POLR1D: variants seen among roughly 807,000 people sequenced by gnomAD.
The protein encoded by POLR1D is RNA polymerase I and III subunit D, also known as DNA-directed RNA polymerases I and III subunit RPAC2.
A neutral mutation model predicts 10.8 loss-of-function variants in POLR1D; 8 were observed. The ratio of observed to expected loss-of-function variants is 0.74; its 90% CI spans 0.43 to 1.33. The LOEUF is 1.33. POLR1D is among the 40% of genes most tolerant of loss of function. The probability of loss-of-function intolerance (pLI) is 0.01; values close to 1 mark genes in which losing one functional copy is unlikely to be tolerated. For synonymous variants in POLR1D, 54 were observed against 57.2 expected (o/e 0.94, Z 0.25); for missense variants, 152 against 161.7 (o/e 0.94, Z 0.32).
intron 2 of POLR1D, among the ~76,000 whole-genome samples, chr13:27,648,858 T>G (rs1956243687): frequency 6.6e-6 from 1 of 152,234 alleles, no homozygotes; most frequent in African/African-American, 2.4e-5. Context: ...AGCATTTTGA[T>G]TATGTGACAA....
At chr13:27,624,263 TTACTA>T (rs890698714), downstream of POLR1D, among the ~76,000 whole-genome samples, 2 of 152,196 alleles carry the variant, frequency 1.3e-5, no homozygotes, top group African/African-American at 4.8e-5. Flanking sequence ...GCCTTGGCAT[TTACTA>T]TGCTATTGGT....
At chr13:27,636,333 T>A (rs1956123947) in intron 1 of POLR1D, among the ~76,000 whole-genome samples, 1 of 152,230 alleles carries the variant, frequency 6.6e-6, no homozygotes, top group Admixed American at 6.5e-5. Flanking sequence ...CTCTAAACCA[T>A]AATTTCCTCG....
intron 1 of POLR1D, among the ~76,000 whole-genome samples, chr13:27,643,176 C>T (rs1472294444): frequency 6.6e-6 from 1 of 152,126 alleles, no homozygotes; most frequent in African/African-American, 2.4e-5. Context: ...CCTAATTCAC[C>T]GTATAAATCA....
chr13:27,661,209 ATTG>A lies in POLR1D; in HGVS notation c.102-4476_102-4474del, dbSNP rs540711729. ...GCCCACAGGTTTCAAAGTGAAGGAAATTGCTTTCCTTTTAAAGTTTAACCTGGA... is the reference window on the plus strand; with the variant it reads ...GCCCACAGGTTTCAAAGTGAAGGAAACTTTCCTTTTAAAGTTTAACCTGGA... On this transcript the variant is annotated intron_variant, in intron 2 of 2. Coordinates refer to the POLR1D transcript ENST00000399697. Among the ~76,000 whole-genome samples the A allele has an allele frequency of 3.3e-4, 50 of 152,294 alleles. No homozygotes were observed. The South Asian group carries it at 0.01, about 31-fold the overall frequency.
chr13:27,632,509 A>G (rs1204178166), intron 1 of POLR1D, among the ~76,000 whole-genome samples: 2 of 152,204 alleles, frequency 1.3e-5, no homozygotes, highest in Non-Finnish European at 2.9e-5. Flanking sequence ...GTACCAAGAA[A>G]GCAAAGACGA....
At chr13:27,652,052 C>T (rs537588316) in intron 2 of POLR1D, among the ~76,000 whole-genome samples, 61 of 152,298 alleles carry the variant, frequency 4.0e-4, no homozygotes, top group African/African-American at 1.4e-3. Context: ...GCTTTGGTTT[C>T]GGATATAAGG....
At chr13:27,641,543 C>CA (rs1292761374) in intron 1 of POLR1D, among the ~76,000 whole-genome samples, 1 of 151,986 alleles carries the variant, frequency 6.6e-6, no homozygotes, top group Non-Finnish European at 1.5e-5. Context: ...TCAGCCATTT[C>CA]AAAAAATGGC....
At chr13:27,646,785 T>C (rs1373797433) in intron 1 of POLR1D, among the ~76,000 whole-genome samples, 2 of 152,134 alleles carry the variant, frequency 1.3e-5, no homozygotes, top group Non-Finnish European at 2.9e-5. Context: ...AAAGTTGAAA[T>C]TGTTTTCTTT....
At chr13:27,646,264 G>C (rs1381126140) in intron 1 of POLR1D, 1 of 152,128 alleles carries the variant, frequency 6.6e-6, no homozygotes, top group African/African-American at 2.4e-5. Context: ...TAATTTATGG[G>C]AAAGGAAGAG....
At chr13:27,625,306 CAGAG>C (rs902277980), downstream of POLR1D, among the ~76,000 whole-genome samples, 1 of 151,916 alleles carries the variant, frequency 6.6e-6, no homozygotes, top group African/African-American at 2.4e-5. Context: ...GGAGTAGAAG[CAGAG>C]AGAGACACTA....
intron 1 of POLR1D, among the ~76,000 whole-genome samples, chr13:27,635,146 A>T (rs1386410725): frequency 6.6e-6 from 1 of 152,232 alleles, no homozygotes; most frequent in Non-Finnish European, 1.5e-5. Flanking sequence ...TAAACATGAA[A>T]AGAATCAAAT....
At chr13:27,659,289 T>C (rs530787533) in intron 2 of POLR1D, among the ~76,000 whole-genome samples, 116 of 152,268 alleles carry the variant, frequency 7.6e-4, no homozygotes, top group Non-Finnish European at 1.4e-3. Context: ...CCCTGGTGGA[T>C]ACAGAAACAA....
intron 1 of POLR1D, among the ~76,000 whole-genome samples, chr13:27,630,946 A>G (rs1956066651): frequency 6.6e-6 from 1 of 152,132 alleles, no homozygotes; most frequent in Non-Finnish European, 1.5e-5. Flanking sequence ...TTATGCATAT[A>G]AGCCTAACAT....
In POLR1D at chr13:27,666,035, G is replaced by A. The variant is rs1593297210; in HGVS notation, c.*82G>A. Reference sequence around the variant, plus strand: ...GTGCGGAGAAGGCCTGAGCTGGCAGGGCAAACACCTGAGAGTGACTTTGAC... The same window carrying A: ...GTGCGGAGAAGGCCTGAGCTGGCAGAGCAAACACCTGAGAGTGACTTTGAC... On this transcript the variant is annotated 3_prime_UTR_variant, in exon 3 of 3. Transcript: ENST00000399697. 11 of 1,262,644 alleles carry A rather than the reference G, an allele frequency of 8.7e-6. No homozygotes were observed. The East Asian group carries it at 2.6e-4, about 29-fold the overall frequency. The allele number at this position is 1,262,644 out of a possible 1,614,324, so 78.2% of individuals were successfully genotyped here.
intron 2 of POLR1D, among the ~76,000 whole-genome samples, chr13:27,653,456 G>C (rs922135224): frequency 2.0e-5 from 3 of 152,158 alleles, no homozygotes; most frequent in Non-Finnish European, 4.4e-5. Flanking sequence ...ACTCCAGATT[G>C]TAAGAGGTGG....
chr13:27,652,022 A>G (rs1956271197), intron 2 of POLR1D, among the ~76,000 whole-genome samples: 3 of 152,238 alleles, frequency 2.0e-5, no homozygotes, highest in Admixed American at 1.3e-4. Flanking sequence ...AGATTAGTAT[A>G]AACTATTTAG....
intron 1 of POLR1D, among the ~76,000 whole-genome samples, chr13:27,632,860 A>T (rs537230267): frequency 6.6e-6 from 1 of 152,298 alleles, no homozygotes; most frequent in Non-Finnish European, 1.5e-5. Context: ...CCTGGCTCAT[A>T]GCAGGTGTTC....
At chr13:27,631,487 G>C (rs1408368205) in intron 1 of POLR1D, among the ~76,000 whole-genome samples, 2 of 152,172 alleles carry the variant, frequency 1.3e-5, no homozygotes, top group African/African-American at 4.8e-5. Flanking sequence ...TGAATACCAG[G>C]AGGTGGGGAT....
chr13:27,630,720 A>G (rs1956064553), intron 1 of POLR1D, among the ~76,000 whole-genome samples: 1 of 152,266 alleles, frequency 6.6e-6, no homozygotes, highest in East Asian at 1.9e-4. Flanking sequence ...AATTTCTAGT[A>G]CACTTAAATA....
Sources: gnomAD v4.1 joint callset for allele counts (sites outside exome capture counted in the v4.1 genomes callset) on GRCh38, gnomAD v4.1.1 for gene constraint, MANE v1.5 for transcripts, NCBI Gene and HGNC (gene_info 2026-07-23, HGNC 2026-07-21) for gene names.